The following CYP4F22 variants were observed in gnomAD, a reference collection of about 807,000 sequenced individuals.
CYP4F22 encodes cytochrome P450 family 4 subfamily F member 22, also known as ultra-long-chain fatty acid omega-hydroxylase.
CYP4F22 carries 37 observed loss-of-function variants against 60.4 expected under a neutral mutation model. The observed-to-expected ratio is 0.61, with a 90% CI of 0.47 to 0.81. The LOEUF (loss-of-function observed/expected upper bound fraction) is 0.81. CYP4F22 is among the 30% of genes least tolerant of loss of function. The pLI is 0.00. For missense variants in CYP4F22, 655 were observed against 715.0 expected (o/e 0.92, Z 0.96); for synonymous variants, 258 against 280.5 (o/e 0.92, Z 0.80).
Position 15,536,848 on chromosome 19 carries a change from T to G in CYP4F22, c.368-513T>G, listed in dbSNP as rs139725457. Among the ~76,000 whole-genome samples the G allele has an allele frequency of 1.6e-3, 245 of 152,208 alleles. 1 individual carries two copies. The highest frequency in any genetic ancestry group is 5.7e-3 in the African/African-American group (236 of 41,536). ...TTTTTACAAGTGCAATGGGGAGCCA[T>G]GGGAGGTGTCTGAGCAGGGGAGGCT... On this transcript the variant is annotated intron_variant, in intron 4 of 13. Transcript: ENST00000269703.
intron 4 of CYP4F22, among the ~76,000 whole-genome samples, chr19:15,536,501 G>GTGGTCAGATCTGA (rs1257077791): frequency 2.3e-4 from 35 of 152,262 alleles, no homozygotes; most frequent in African/African-American, 8.4e-4. Flanking sequence ...AGGAAGGGGC[G>GTGGTCAGATCTGA]TGGTCAGATC....
Position 15,550,572 on chromosome 19 carries a change from CT to C in CYP4F22, c.1336-101del, listed in dbSNP as rs35191310. On this transcript the variant is annotated intron_variant, in intron 12 of 13. Transcript: ENST00000269703. ...GAATGGAAGAGGTGGCCCTGGGGTG[CT>C]CCCCATCCATCTTTACTGACCCCCA... is the stretch of plus-strand genomic sequence containing the variant. 93,663 of 1,164,118 alleles carry C rather than the reference CT, an allele frequency of 0.08. 4,772 individuals carry two copies. The highest frequency in any genetic ancestry group is 0.28 in the East Asian group (11,778 of 42,706). The allele number at this position is 1,164,118 out of a possible 1,614,324, so 72.1% of individuals were successfully genotyped here.
intron 1 of CYP4F22, among the ~76,000 whole-genome samples, chr19:15,517,223 T>C (rs901068837): frequency 6.6e-6 from 1 of 152,148 alleles, no homozygotes; most frequent in African/African-American, 2.4e-5. Flanking sequence ...ACCCCAGCTG[T>C]GGAAAGTATA....
chr19:15,551,680 C>A lies in CYP4F22; in HGVS notation c.*209C>A. 1.5e-6 allele frequency: 1 copy of A among 650,032 alleles called. No individual in the cohort carries two copies. Among genetic ancestry groups the A allele is most frequent in the Non-Finnish European group, 2.6e-6 (1 of 383,256 alleles). The allele number at this position is 650,032 out of a possible 1,614,324, so 40.3% of individuals were successfully genotyped here. A position where few individuals can be genotyped will look rare whatever the true frequency, so the allele number is the denominator to read the frequency against. ...CCCCTTAGGGGGCCTGATCCCGCCCCTTGAGGCTTAGGTCCCGCCCCCTGA... is the reference window on the plus strand; with the variant it reads ...CCCCTTAGGGGGCCTGATCCCGCCCATTGAGGCTTAGGTCCCGCCCCCTGA... On this transcript the variant is annotated 3_prime_UTR_variant, in exon 14 of 14. Transcript: ENST00000269703.
rs139927884 is a variant in CYP4F22, at chr19:15,525,497, G to A, written c.161G>A (p.Arg54His). 1.1e-4 allele frequency: 170 copies of A among 1,613,192 alleles called. No homozygotes were observed. Among genetic ancestry groups the A allele is most frequent in the Middle Eastern group, 1.6e-4 (1 of 6,068 alleles). Reference sequence around the variant, plus strand: ...TGCAGGAGCTTCTACATCACCTGCCGCCGGCTGCGCTGCTTCCCCCAGCCT... The same window carrying A: ...TGCAGGAGCTTCTACATCACCTGCCACCGGCTGCGCTGCTTCCCCCAGCCT... ...RLCRSFYITC[R>H]RLRCFPQPPR... The change falls in exon 3 of 14, where the codon CGC (arginine) becomes CAC (histidine). Residue 54 changes from arginine to histidine, a missense_variant. This residue lies in a region of CYP4F22 where 430 missense variants were observed against 457.1 expected (regional missense o/e 0.94). Transcript: ENST00000269703.
At chr19:15,533,123 C>T (rs1190035518) in intron 4 of CYP4F22, among the ~76,000 whole-genome samples, 1 of 152,190 alleles carries the variant, frequency 6.6e-6, no homozygotes, top group Admixed American at 6.5e-5. Flanking sequence ...TCAGTTTCCC[C>T]ATCATCTTAT....
chr19:15,537,481 T>G (rs1280683941), intron 5 of CYP4F22, 54 bp from the exon 6 acceptor site: 5 of 1,614,060 alleles, frequency 3.1e-6, no homozygotes, highest in Non-Finnish European at 4.2e-6. Flanking sequence ...TGGGGTTCCT[T>G]GGAAGGTTTC....
intron 10 of CYP4F22, among the ~76,000 whole-genome samples, chr19:15,544,826 C>T (rs180956162): frequency 2.8e-3 from 427 of 152,126 alleles, no homozygotes; most frequent in Admixed American, 5.1e-3. Context: ...TTTGGGAGGC[C>T]GAGGTGGGTG....
At position 15,551,730 on chromosome 19, in the gene CYP4F22, G is replaced by C. The variant is rs1971600912; in HGVS notation, c.*259G>C. On this transcript the variant is annotated 3_prime_UTR_variant, in exon 14 of 14. Coordinates refer to ENST00000269703, the MANE Select transcript of CYP4F22 (RefSeq NM_173483.4). The stretch of plus-strand genomic sequence containing the variant: ...ACTTCTCGCACCTGTCCTGTTTGAG[G>C]GACCAGGGTCGACCCTGCCCCCTTG... The C allele has an allele frequency of 1.0e-5, 6 of 581,802 alleles. No individual in the cohort carries two copies. The highest frequency in any genetic ancestry group is 1.8e-5 in the Non-Finnish European group (6 of 327,230). The allele number at this position is 581,802 out of a possible 1,614,324, so 36.0% of individuals were successfully genotyped here. A position where few individuals can be genotyped will look rare whatever the true frequency, so the allele number is the denominator to read the frequency against.
chr19:15,535,697 A>G (rs908736016), intron 4 of CYP4F22, among the ~76,000 whole-genome samples: 7 of 151,722 alleles, frequency 4.6e-5, no homozygotes, highest in Admixed American at 1.3e-4. Flanking sequence ...CCCACCATCT[A>G]TCCATCTGCT....
chr19:15,519,482 C>T lies in CYP4F22; in HGVS notation c.-108-4211C>T, dbSNP rs527416026. On this transcript the variant is annotated intron_variant, in intron 1 of 13. Coordinates refer to ENST00000269703, the MANE Select transcript of CYP4F22 (RefSeq NM_173483.4). ...TTTGCCGTGTTGGCCAGGCTGGTCT[C>T]GAACTCCTGACCTCAAGTGATCCAC... 5.7e-4 allele frequency among the ~76,000 whole-genome samples: 87 copies of T among 152,196 alleles called. 1 individual carries two copies. The highest frequency in any genetic ancestry group is 2.0e-3 in the African/African-American group (81 of 41,526).
chr19:15,520,793 G>T, intron 1 of CYP4F22, among the ~76,000 whole-genome samples: 1 of 146,208 alleles, frequency 6.8e-6, no homozygotes, highest in East Asian at 2.1e-4. Context: ...TTTTGAGACA[G>T]AGTCTCGCTC....
At chr19:15,516,835 C>A in intron 1 of CYP4F22, 29 of 207,364 alleles carry the variant, frequency 1.4e-4, no homozygotes, top group Non-Finnish European at 2.1e-4. Flanking sequence ...AGATGTTATT[C>A]TTTTTTTTTT....
intron 1 of CYP4F22, among the ~76,000 whole-genome samples, chr19:15,518,152 C>T (rs1418392895): frequency 2.6e-5 from 4 of 152,078 alleles, no homozygotes; most frequent in Non-Finnish European, 5.9e-5. Context: ...GCCTGGACAA[C>T]ATAGCCAGAC....
chr19:15,531,454 C>A (rs191467716), intron 4 of CYP4F22, among the ~76,000 whole-genome samples: 1 of 151,816 alleles, frequency 6.6e-6, no homozygotes, highest in South Asian at 2.1e-4. Context: ...TCTACAAACA[C>A]GCATCTGGGG....
intron 1 of CYP4F22, among the ~76,000 whole-genome samples, chr19:15,512,314 T>C (rs6512041): frequency 0.84 from 127,676 of 152,088 alleles, 53,653 homozygotes; most frequent in Middle Eastern, 0.93. Flanking sequence ...AAGTCAAAAG[T>C]GAACATTAAA....
rs113609641 is a variant in CYP4F22 at position 15,540,555 on chromosome 19, G to A, written c.777G>A (p.Ala259=). 555 of 1,614,180 alleles carry A rather than the reference G, an allele frequency of 3.4e-4. No homozygotes were observed. The African/African-American group carries it at 5.6e-3, about 16-fold the overall frequency. ...HYLDFIYYRS[A]DGRRFRQACD... ...TCGACTTCATTTACTACCGCTCGGCGGATGGGCGGAGGTTCCGGCAGGCCT... is the reference window on the plus strand; with the variant it reads ...TCGACTTCATTTACTACCGCTCGGCAGATGGGCGGAGGTTCCGGCAGGCCT... The change falls in exon 8 of 14, where the codon GCG becomes GCA. Residue 259 remains alanine (A), a synonymous_variant. Transcript: ENST00000269703.
intron 1 of CYP4F22, among the ~76,000 whole-genome samples, chr19:15,523,439 G>A (rs1252729637): frequency 6.6e-6 from 1 of 152,150 alleles, no homozygotes; most frequent in Non-Finnish European, 1.5e-5. Flanking sequence ...GCGCCAAGGG[G>A]ATGGTGTTAA....
rs753802075 is a variant in CYP4F22 at position 15,540,865 on chromosome 19, G to A, written c.939+148G>A. On this transcript the variant is annotated intron_variant, in intron 8 of 13. Coordinates refer to ENST00000269703, the MANE Select transcript of CYP4F22 (RefSeq NM_173483.4). The stretch of plus-strand genomic sequence containing the variant: ...TTTGGGAGGCCAAGGCGGGAGGATC[G>A]CTTGAGCCCTGGAATTGGAGATCAG... 6.0e-5 allele frequency: 60 copies of A among 1,004,766 alleles called. No homozygotes were observed. In the African/African-American group the frequency reaches 6.1e-4, roughly 10 times the overall value. The allele number at this position is 1,004,766 out of a possible 1,614,324, so 62.2% of individuals were successfully genotyped here.
Sources: gnomAD v4.1 joint callset for allele counts (sites outside exome capture counted in the v4.1 genomes callset) on GRCh38, gnomAD v4.1.1 for gene constraint, gnomAD v4.1.1 regional missense constraint, MANE v1.5 for transcripts, NCBI Gene and HGNC (gene_info 2026-07-23, HGNC 2026-07-21) for gene names.